The following RUNX2 variants were observed in gnomAD, a reference collection of about 807,000 sequenced individuals.
RUNX2 encodes RUNX family transcription factor 2.
A neutral mutation model predicts 51.7 loss-of-function variants in RUNX2; 10 were observed. The ratio of observed to expected loss-of-function variants is 0.19; its 90% CI spans 0.12 to 0.33. The LOEUF is 0.33. Ranked by LOEUF, RUNX2 falls within the 10% of genes least tolerant of loss-of-function variation. The pLI, the probability that RUNX2 is intolerant of heterozygous loss-of-function variation, is 1.00. For missense variants in RUNX2, 562 were observed against 691.3 expected (o/e 0.81, Z 2.10); for synonymous variants, 276 against 273.6 (o/e 1.01, Z -0.09).
At chr6:45,489,689 T>C (rs1009572845) in intron 5 of RUNX2, among the ~76,000 whole-genome samples, 10 of 150,756 alleles carry the variant, frequency 6.6e-5, no homozygotes, top group African/African-American at 2.0e-4. Context: ...ACCAATACTA[T>C]GTGTGTGCAT....
At chr6:45,488,896 T>A (rs1800368041) in intron 5 of RUNX2, among the ~76,000 whole-genome samples, 1 of 152,188 alleles carries the variant, frequency 6.6e-6, no homozygotes, top group South Asian at 2.1e-4. Flanking sequence ...ACTTAGTCAG[T>A]GTGTCCTTGG....
intron 5 of RUNX2, among the ~76,000 whole-genome samples, chr6:45,478,118 C>T (rs932144353): frequency 6.6e-6 from 1 of 152,182 alleles, no homozygotes; most frequent in African/African-American, 2.4e-5. Flanking sequence ...TCTGGGAGCC[C>T]TTCCTGACTG....
intron 2 of RUNX2, among the ~76,000 whole-genome samples, chr6:45,411,320 C>A (rs1262992875): frequency 6.6e-6 from 1 of 151,938 alleles, no homozygotes; most frequent in Non-Finnish European, 1.5e-5. Flanking sequence ...TGTGAGTCTC[C>A]CCCCTTTTAT....
intron 6 of RUNX2, among the ~76,000 whole-genome samples, chr6:45,510,659 A>AC (rs1801113214): frequency 6.6e-6 from 1 of 152,112 alleles, no homozygotes; most frequent in Non-Finnish European, 1.5e-5. Flanking sequence ...GTGTAGGGAT[A>AC]ATTTGAAACC....
chr6:45,532,046 A>G (rs906989731), intron 7 of RUNX2, among the ~76,000 whole-genome samples: 1 of 151,906 alleles, frequency 6.6e-6, no homozygotes, highest in Non-Finnish European at 1.5e-5. Context: ...AAAAGTTAGT[A>G]GTGTTCCCAT....
At chr6:45,458,087 C>T (rs1196083028) in intron 5 of RUNX2, among the ~76,000 whole-genome samples, 3 of 147,022 alleles carry the variant, frequency 2.0e-5, no homozygotes, top group Admixed American at 1.4e-4. Flanking sequence ...AGTGCAATGG[C>T]GCGATCTCAG....
intron 7 of RUNX2, among the ~76,000 whole-genome samples, chr6:45,534,219 T>C (rs1427404112): frequency 6.6e-6 from 1 of 151,762 alleles, no homozygotes; most frequent in Non-Finnish European, 1.5e-5. Flanking sequence ...TCTGTTTGGA[T>C]GGAAAGTAGT....
intron 3 of RUNX2, among the ~76,000 whole-genome samples, chr6:45,426,996 A>G (rs763501774): frequency 6.6e-6 from 1 of 152,294 alleles, no homozygotes; most frequent in African/African-American, 2.4e-5. Context: ...AATCCTTATT[A>G]ACCGTAATAT....
chr6:45,360,826 T>G (rs1455739227), intron 2 of RUNX2, among the ~76,000 whole-genome samples: 1 of 152,196 alleles, frequency 6.6e-6, no homozygotes, highest in African/African-American at 2.4e-5. Context: ...TAAACGTAGG[T>G]AGCTTATCCT....
At chr6:45,521,234 GA>G (rs1336448848) in intron 7 of RUNX2, among the ~76,000 whole-genome samples, 1 of 152,018 alleles carries the variant, frequency 6.6e-6, no homozygotes, top group Non-Finnish European at 1.5e-5. Flanking sequence ...AAAAAAGGAA[GA>G]AAAAAGATTT....
chr6:45,543,559 G>T (rs1452340144), intron 7 of RUNX2, among the ~76,000 whole-genome samples: 1 of 152,184 alleles, frequency 6.6e-6, no homozygotes, highest in African/African-American at 2.4e-5. Flanking sequence ...TAGAAAATCA[G>T]ATTGGGGTTG....
At position 45,375,130 on chromosome 6, in the gene RUNX2, C is replaced by T. The variant is rs183227011; in HGVS notation, c.58+46346C>T. On this transcript the variant is annotated intron_variant, in intron 2 of 8. Transcript: ENST00000647337. ...GCTGAGGCAGGAGAATCGCTTGAAC[C>T]CAGGAGGGGGAGGTTGCAGTGAGCT... 1.1e-4 allele frequency among the ~76,000 whole-genome samples: 16 copies of T among 152,294 alleles called. No individual in the cohort carries two copies. In the East Asian group the frequency reaches 3.1e-3, roughly 29 times the overall value.
At chr6:45,527,927 C>A (rs1245353184) in intron 7 of RUNX2, among the ~76,000 whole-genome samples, 1 of 152,088 alleles carries the variant, frequency 6.6e-6, no homozygotes, top group Non-Finnish European at 1.5e-5. Flanking sequence ...AAGACATACC[C>A]AAGAACTGAG....
At chr6:45,365,065 C>A (rs1794897586) in intron 2 of RUNX2, 1 of 593,932 alleles carries the variant, frequency 1.7e-6, no homozygotes, top group South Asian at 3.6e-5. Context: ...TAAAATGTTA[C>A]CACAGTATTT....
At chr6:45,477,782 C>A (rs2150397689) in intron 5 of RUNX2, among the ~76,000 whole-genome samples, 1 of 152,332 alleles carries the variant, frequency 6.6e-6, no homozygotes, top group East Asian at 1.9e-4. Context: ...AATCTATCTT[C>A]CCCTGTAAGT....
intron 2 of RUNX2, among the ~76,000 whole-genome samples, chr6:45,400,473 A>G (rs543789013): frequency 6.6e-6 from 1 of 152,300 alleles, no homozygotes; most frequent in Non-Finnish European, 1.5e-5. Context: ...TTACTTGTCA[A>G]CTGGTATTTG....
At chr6:45,532,615 A>G (rs1436656791) in intron 7 of RUNX2, among the ~76,000 whole-genome samples, 1 of 152,188 alleles carries the variant, frequency 6.6e-6, no homozygotes, top group Admixed American at 6.5e-5. Context: ...TGAACCACCA[A>G]TGACCTCTTC....
chr6:45,333,230 T>TA (rs2150092047), intron 2 of RUNX2, among the ~76,000 whole-genome samples: 1 of 151,776 alleles, frequency 6.6e-6, no homozygotes, highest in Non-Finnish European at 1.5e-5. Flanking sequence ...ATTAATGTGT[T>TA]ACGATTCAAA....
chr6:45,492,600 G>A (rs941634438), intron 6 of RUNX2, among the ~76,000 whole-genome samples: 3 of 152,074 alleles, frequency 2.0e-5, no homozygotes, highest in East Asian at 1.9e-4. Flanking sequence ...GTGGCTCATC[G>A]GGCACACAGA....
Sources: allele counts gnomAD v4.1 joint callset (sites outside exome capture counted in the v4.1 genomes callset), GRCh38; gene constraint gnomAD v4.1.1; transcripts MANE v1.5; gene names NCBI Gene and HGNC (gene_info 2026-07-23, HGNC 2026-07-21).